The following SLC25A48 variants were observed in gnomAD, a reference collection of about 807,000 sequenced individuals.
The protein encoded by SLC25A48 is solute carrier family 25 member 48.
Under a neutral mutation model 32.2 loss-of-function variants are expected in SLC25A48, and 29 were observed. That is an observed-to-expected ratio of 0.90 (90% CI 0.67 to 1.23). The LOEUF (loss-of-function observed/expected upper bound fraction) is 1.23. Ranked by LOEUF, SLC25A48 falls within the 50% of genes most tolerant of loss-of-function variation. The pLI is 0.00. For synonymous variants in SLC25A48, 164 were observed against 172.3 expected, an observed-to-expected ratio of 0.95 and a Z score of 0.38; for missense variants, 399 against 422.7, an observed-to-expected ratio of 0.94 and a Z score of 0.49.
chr5:135,816,386 TA>T (rs1479485550), intron 4 of SLC25A48, among the ~76,000 whole-genome samples: 1 of 152,210 alleles, frequency 6.6e-6, no homozygotes, highest in Non-Finnish European at 1.5e-5. Flanking sequence ...GTTTTTCATA[TA>T]GTGCTTTTGT....
upstream of SLC25A48, among the ~76,000 whole-genome samples, chr5:135,833,848 G>A (rs886496314): frequency 6.6e-6 from 1 of 152,306 alleles, no homozygotes; most frequent in Non-Finnish European, 1.5e-5. Flanking sequence ...CTGGCTGGCT[G>A]TCGCTTCATA....
In SLC25A48 at chr5:135,864,505, G is replaced by T. The variant is rs11954884; in HGVS notation, c.422-6956G>T. 2.0e-5 allele frequency among the ~76,000 whole-genome samples: 3 copies of T among 152,086 alleles called. No individual in the cohort carries two copies. In the East Asian group the frequency reaches 5.8e-4, roughly 29 times the overall value. Reference sequence around the variant, plus strand: ...CAGGAACCCTTGGAGCATGAAAAGGGACCCAAAATCCTGAAGACAACCCAG... The same window carrying T: ...CAGGAACCCTTGGAGCATGAAAAGGTACCCAAAATCCTGAAGACAACCCAG... On this transcript the variant is annotated intron_variant, in intron 4 of 7. Coordinates refer to ENST00000681962, the MANE Select transcript of SLC25A48 (RefSeq NM_001349336.2).
chr5:135,791,757 C>T (rs1376455288), intron 3 of SLC25A48, among the ~76,000 whole-genome samples: 1 of 151,578 alleles, frequency 6.6e-6, no homozygotes, highest in Non-Finnish European at 1.5e-5. Flanking sequence ...TCTAATGTCA[C>T]AGGGGTTGTC....
chr5:135,684,305 T>A lies in SLC25A48; in HGVS notation c.-521+49349T>A, dbSNP rs555604421. On this transcript the variant is annotated intron_variant, in intron 3 of 10. Coordinates refer to the SLC25A48 transcript ENST00000646290. ...TTTAATTTTTACTCCCTTCTCCCCC[T>A]TTTTTTTCCTCCACAAATGGTAGAG... Among the ~76,000 whole-genome samples, 15 of 151,988 alleles carry A rather than the reference T, an allele frequency of 9.9e-5. No homozygotes were observed. The East Asian group carries it at 2.9e-3, about 29-fold the overall frequency.
At chr5:135,717,695 G>T (rs1212324706) in intron 3 of SLC25A48, among the ~76,000 whole-genome samples, 1 of 152,068 alleles carries the variant, frequency 6.6e-6, no homozygotes, top group African/African-American at 2.4e-5. Flanking sequence ...CTCCAAGGCT[G>T]CTGGGAGCCA....
At chr5:135,630,169 T>C (rs1199538066) in intron 2 of SLC25A48, among the ~76,000 whole-genome samples, 1 of 152,182 alleles carries the variant, frequency 6.6e-6, no homozygotes, top group Non-Finnish European at 1.5e-5. Context: ...CATAGTCACC[T>C]TTCTGCTGAT....
At position 135,591,983 on chromosome 5, in the gene SLC25A48, G is replaced by C. The variant is rs372443295; in HGVS notation, c.-849+12386G>C. Among the ~76,000 whole-genome samples the C allele has an allele frequency of 6.0e-4, 91 of 152,298 alleles. No homozygotes were observed. In the South Asian group the frequency reaches 0.018, roughly 29 times the overall value. ...TTCAGAGGCAGTGAGGAACTCCTGG[G>C]ATGGGAGACTTTGTAGTATGAAAGG... On this transcript the variant is annotated intron_variant, in intron 1 of 10. Transcript: ENST00000646290.
chr5:135,825,345 T>C (rs186518466), intron 4 of SLC25A48, among the ~76,000 whole-genome samples: 3 of 152,358 alleles, frequency 2.0e-5, no homozygotes, highest in Admixed American at 2.0e-4. Context: ...AACCTGGGAT[T>C]TGACCCGAAG....
intron 3 of SLC25A48, among the ~76,000 whole-genome samples, chr5:135,724,084 G>C (rs939167374): frequency 1.3e-5 from 2 of 152,198 alleles, no homozygotes; most frequent in Non-Finnish European, 2.9e-5. Flanking sequence ...CACAACCAGA[G>C]ACTGTCCTTT....
intron 3 of SLC25A48, among the ~76,000 whole-genome samples, chr5:135,667,529 A>G (rs1478398239): frequency 6.6e-6 from 1 of 151,784 alleles, no homozygotes; most frequent in Non-Finnish European, 1.5e-5. Context: ...TTGTGTAACC[A>G]CCCTTAGCTT....
chr5:135,707,599 A>G (rs1455557541), intron 3 of SLC25A48, among the ~76,000 whole-genome samples: 1 of 152,068 alleles, frequency 6.6e-6, no homozygotes, highest in Non-Finnish European at 1.5e-5. Flanking sequence ...TCTGCCTGGA[A>G]CACTTTCCCA....
At chr5:135,764,455 G>C (rs570928697) in intron 3 of SLC25A48, among the ~76,000 whole-genome samples, 1 of 151,730 alleles carries the variant, frequency 6.6e-6, no homozygotes, top group Admixed American at 6.6e-5. Context: ...CATATCGTGG[G>C]GGTTGTACAC....
At chr5:135,788,298 T>C (rs1756905746) in intron 3 of SLC25A48, among the ~76,000 whole-genome samples, 1 of 150,504 alleles carries the variant, frequency 6.6e-6, no homozygotes, top group African/African-American at 2.5e-5. Flanking sequence ...CCCCTTGCCA[T>C]ATGGTCCGTA....
At chr5:135,692,375 G>A (rs1699265645) in intron 3 of SLC25A48, among the ~76,000 whole-genome samples, 1 of 92,056 alleles carries the variant, frequency 1.1e-5, no homozygotes, top group Non-Finnish European at 2.4e-5. Context: ...TCTGGCAGTG[G>A]GATTCTTTTC....
At chr5:135,823,460 C>G (rs558698786) in intron 4 of SLC25A48, among the ~76,000 whole-genome samples, 2 of 152,312 alleles carry the variant, frequency 1.3e-5, no homozygotes, top group African/African-American at 2.4e-5. Context: ...ATAAAGACTT[C>G]GTTCCTGGCC....
chr5:135,834,502 C>T, upstream of SLC25A48: 1 of 335,472 alleles, frequency 3.0e-6, no homozygotes, highest in East Asian at 5.0e-5. Flanking sequence ...CTGAAGTTGG[C>T]AAGGAAGAGG....
intron 3 of SLC25A48, among the ~76,000 whole-genome samples, chr5:135,755,807 G>C (rs549003233): frequency 4.6e-5 from 7 of 151,512 alleles, no homozygotes; most frequent in Non-Finnish European, 1.0e-4. Context: ...ATATCGCTGC[G>C]ACATTTATCT....
chr5:135,739,145 TCTCA>T (rs1460075745), intron 3 of SLC25A48, among the ~76,000 whole-genome samples: 1 of 151,996 alleles, frequency 6.6e-6, no homozygotes, highest in East Asian at 1.9e-4. Context: ...TGAGGTAGGG[TCTCA>T]CTCTGTTGCC....
At chr5:135,727,184 C>CTATATATATA (rs61234105) in intron 3 of SLC25A48, among the ~76,000 whole-genome samples, 1 of 146,028 alleles carries the variant, frequency 6.8e-6, no homozygotes, top group Admixed American at 6.9e-5. Context: ...TAGCCACAGG[C>CTATATATATA]TATATATATA....
Sources: gnomAD v4.1 joint callset for allele counts (sites outside exome capture counted in the v4.1 genomes callset) on GRCh38, gnomAD v4.1.1 for gene constraint, MANE v1.5 for transcripts, NCBI Gene and HGNC (gene_info 2026-07-23, HGNC 2026-07-21) for gene names.